The following BAHD1 variants were observed in gnomAD, a reference collection of about 807,000 sequenced individuals.
BAHD1 encodes the protein bromo adjacent homology domain-containing 1 protein.
A neutral mutation model predicts 63.1 loss-of-function variants in BAHD1; 20 were observed. The observed-to-expected ratio is 0.32, with a 90% confidence interval of 0.22 to 0.46. The LOEUF (loss-of-function observed/expected upper bound fraction) is 0.46, where lower values mean the gene tolerates loss of function less well. BAHD1 is among the 20% of genes least tolerant of loss of function. The pLI, the probability that BAHD1 is intolerant of heterozygous loss-of-function variation, is 1.00. For synonymous variants in BAHD1, 408 were observed against 426.8 expected, an observed-to-expected ratio of 0.96 and a Z score of 0.54; for missense variants, 939 against 1,071.8, an observed-to-expected ratio of 0.88 and a Z score of 1.73.
At chr15:40,448,405 C>T (rs545005797) in intron 1 of BAHD1, among the ~76,000 whole-genome samples, 6 of 152,200 alleles carry the variant, frequency 3.9e-5, no homozygotes, top group Admixed American at 1.3e-4. Flanking sequence ...TAAAACTGAA[C>T]GTGCAAGTTA....
intron 1 of BAHD1, among the ~76,000 whole-genome samples, chr15:40,450,859 CG>C (rs1310854072): frequency 1.3e-5 from 2 of 152,046 alleles, no homozygotes; most frequent in African/African-American, 4.8e-5. Context: ...GCTTTTGGGC[CG>C]GGCTCAGTGG....
chr15:40,459,451 G>A lies in BAHD1; in HGVS notation c.987G>A (p.Gly329=), dbSNP rs367796065. The part of the protein sequence containing the change: ...GGQAALKPEP[G]RPGEESPAPK... Reference sequence around the variant, plus strand: ...AGGCGGCTCTGAAGCCGGAGCCTGGGCGCCCAGGCGAGGAGTCACCTGCCC... The same window carrying A: ...AGGCGGCTCTGAAGCCGGAGCCTGGACGCCCAGGCGAGGAGTCACCTGCCC... The change falls in exon 2 of 7, where the codon GGG becomes GGA. Residue 329 remains glycine, a synonymous_variant. Coordinates refer to ENST00000416165, the MANE Select transcript of BAHD1 (RefSeq NM_014952.5). The A allele has an allele frequency of 1.9e-6, 3 of 1,613,486 alleles. No homozygotes were observed. The highest frequency in any genetic ancestry group is 2.5e-6 in the Non-Finnish European group (3 of 1,179,996).
chr15:40,464,559 G>T lies in BAHD1; in HGVS notation c.2052+12G>T, dbSNP rs1315878234. ...CCAGCATGCACGAGGTGAGCTGCCT[G>T]GCAGATGGGTCAGGGAGGGCAGGAG... On this transcript the variant is annotated intron_variant, in intron 5 of 6. Coordinates refer to ENST00000416165, the MANE Select transcript of BAHD1 (RefSeq NM_014952.5). The T allele has an allele frequency of 1.9e-6, 3 of 1,610,512 alleles. No individual in the cohort carries two copies. Among genetic ancestry groups the T allele is most frequent in the Non-Finnish European group, 2.5e-6 (3 of 1,178,088 alleles).
chr15:40,449,669 CATG>C (rs1282494662), intron 1 of BAHD1, among the ~76,000 whole-genome samples: 1 of 151,852 alleles, frequency 6.6e-6, no homozygotes, highest in Non-Finnish European at 1.5e-5. Flanking sequence ...ATTAGCCAGG[CATG>C]GTGGTGTAGG....
chr15:40,450,223 G>C (rs939954371), intron 1 of BAHD1, among the ~76,000 whole-genome samples: 3 of 152,220 alleles, frequency 2.0e-5, no homozygotes, highest in African/African-American at 7.2e-5. Context: ...ACTCTGATAC[G>C]ATCTGCCTTG....
chr15:40,457,776 G>A (rs1251527488), intron 1 of BAHD1, among the ~76,000 whole-genome samples: 4 of 152,234 alleles, frequency 2.6e-5, no homozygotes, highest in African/African-American at 9.6e-5. Context: ...GTGGGAGGCC[G>A]AGGCGGGCAG....
intron 1 of BAHD1, among the ~76,000 whole-genome samples, chr15:40,456,789 A>G (rs1487529789): frequency 6.6e-6 from 1 of 152,216 alleles, no homozygotes; most frequent in East Asian, 1.9e-4. Flanking sequence ...TGGGGAAATT[A>G]AGCTGAAAAA....
chr15:40,456,828 C>T (rs1893864225), intron 1 of BAHD1, among the ~76,000 whole-genome samples: 1 of 152,202 alleles, frequency 6.6e-6, no homozygotes, highest in Non-Finnish European at 1.5e-5. Context: ...GGATGGGTTG[C>T]AGGAGTACCT....
chr15:40,438,009 A>G (rs1309394749), upstream of BAHD1, among the ~76,000 whole-genome samples: 1 of 152,102 alleles, frequency 6.6e-6, no homozygotes, highest in Non-Finnish European at 1.5e-5. Flanking sequence ...GCCTGGCAGC[A>G]GCCCGGGAAA....
In BAHD1 at chr15:40,466,515, C is replaced by G. The variant is rs969015946; in HGVS notation, c.*385C>G. On this transcript the variant is annotated 3_prime_UTR_variant, in exon 7 of 7. Coordinates refer to ENST00000416165, the MANE Select transcript of BAHD1 (RefSeq NM_014952.5). The stretch of plus-strand genomic sequence containing the variant: ...CCAACAGGCCCTTCTGTAGCCTCCC[C>G]CTTGCCCTCAAAGGGGGAGTGGGGG... The G allele has an allele frequency of 5.8e-6, 1 of 173,846 alleles. No individual in the cohort carries two copies. Among genetic ancestry groups the G allele is most frequent in the Non-Finnish European group, 1.2e-5 (1 of 81,928 alleles). 10.8% of individuals were successfully genotyped at this position (173,846 alleles called of 1,614,324 possible).
chr15:40,444,746 T>G (rs1019429304), intron 1 of BAHD1, among the ~76,000 whole-genome samples: 4 of 152,134 alleles, frequency 2.6e-5, no homozygotes, highest in Non-Finnish European at 5.9e-5. Flanking sequence ...TCTGTTTTGG[T>G]TCACCATCAA....
rs1894170544 is a variant in BAHD1 at position 40,465,387 on chromosome 15, C to A, written c.2105C>A (p.Ala702Asp). 1 of 1,614,150 alleles carries A rather than the reference C, an allele frequency of 6.2e-7. No individual in the cohort carries two copies. The highest frequency in any genetic ancestry group is 1.1e-5 in the South Asian group (1 of 91,078). The change falls in exon 6 of 7, where the codon GCC becomes GAC. Residue 702 changes from alanine to aspartate, a missense_variant. Transcript: ENST00000416165. Reference protein sequence around the residue: ...ASRHQDQNSVACIEEKCYVLT... With the variant: ...ASRHQDQNSVDCIEEKCYVLT... ...CGACATCAGGACCAGAACAGTGTGG[C>A]CTGCATTGAGGAGAAGTGCTATGTG...
At chr15:40,464,168 T>C in intron 4 of BAHD1, 148 bp downstream of exon 4, 3 of 980,250 alleles carry the variant, frequency 3.1e-6, no homozygotes, top group Non-Finnish European at 4.5e-6. Flanking sequence ...CTGGGGTCTC[T>C]CTGCTGCCGA....
chr15:40,440,949 CG>C (rs1047230902), upstream of BAHD1, among the ~76,000 whole-genome samples: 13 of 151,854 alleles, frequency 8.6e-5, no homozygotes, highest in South Asian at 1.9e-3. Context: ...GCTCCGCTCT[CG>C]GGGAGTTTGT....
intron 5 of BAHD1, 61 bp downstream of exon 5, chr15:40,464,608 C>T (rs1566966150): frequency 2.8e-6 from 4 of 1,439,204 alleles, no homozygotes. Flanking sequence ...GGTTATGGCA[C>T]TAAGACGTGG....
In BAHD1 at chr15:40,458,493, C is replaced by T; in HGVS notation, c.29C>T (p.Pro10Leu). 6.2e-7 allele frequency: 1 copy of T among 1,602,884 alleles called. No homozygotes were observed. Among genetic ancestry groups the T allele is most frequent in the Non-Finnish European group, 8.5e-7 (1 of 1,173,800 alleles). The change falls in exon 2 of 7, where the codon CCC becomes CTC. Residue 10 changes from proline to leucine, a missense_variant. Pro to Leu is a moderately conservative substitution (Grantham distance 98). Around this residue, in one of 5 missense-constraint regions of BAHD1, gnomAD observed 797 missense variants for 813.3 expected, o/e 0.98. Transcript: ENST00000416165. This position sits in a 1 kb window ranked among gnomAD's most constrained non-coding sequence, Gnocchi z 4.7. MTHTRRKSL[P>L]MLSSGLTGRR... ...ACACACACTCGGAGAAAGTCCCTTC[C>T]CATGCTGAGTTCGGGCCTCACTGGC...
At position 40,462,108 on chromosome 15, in the gene BAHD1, C is replaced by T. The variant is rs370342543; in HGVS notation, c.1629C>T (p.Ser543=). The change falls in exon 3 of 7, where the codon AGC becomes AGT. Residue 543 remains serine (S), a synonymous_variant. Transcript: ENST00000416165. ...GCCCTCAGAGCGCCAAACCTCCCAG[C>T]GGTTCTAAGTCAGGTCTGCGCACAG... ...RACPQSAKPP[S]GSKSGLRTGS... The T allele has an allele frequency of 8.1e-6, 13 of 1,613,024 alleles. No individual in the cohort carries two copies. The highest frequency in any genetic ancestry group is 6.7e-5 in the African/African-American group (5 of 75,062).
upstream of BAHD1, among the ~76,000 whole-genome samples, chr15:40,438,955 C>T (rs1457895370): frequency 1.3e-5 from 2 of 152,236 alleles, no homozygotes; most frequent in African/African-American, 4.8e-5. Context: ...GTACCCTCCA[C>T]CACCAATCTC....
upstream of BAHD1, among the ~76,000 whole-genome samples, chr15:40,439,465 T>C (rs58118121): frequency 4.1e-4 from 63 of 152,288 alleles, no homozygotes; most frequent in African/African-American, 1.5e-3. Context: ...GGGCGCTGTG[T>C]GTGGTGCAGG....
Sources: allele counts gnomAD v4.1 joint callset (sites outside exome capture counted in the v4.1 genomes callset), GRCh38; gene constraint gnomAD v4.1.1; regional missense constraint gnomAD v4.1.1; non-coding constraint Gnocchi (gnomAD v3.1); transcripts MANE v1.5; gene names NCBI Gene and HGNC (gene_info 2026-07-23, HGNC 2026-07-21).